The following MEGF9 variants were observed in gnomAD, a reference collection of about 807,000 sequenced individuals.
MEGF9 encodes multiple epidermal growth factor-like domains protein 9.
MEGF9 carries 6 observed loss-of-function variants against 46.8 expected under a neutral mutation model. The ratio of observed to expected loss-of-function variants is 0.13; its 90% CI spans 0.07 to 0.25. MEGF9 has a LOEUF of 0.25. MEGF9 is among the 10% of genes least tolerant of loss of function. The pLI is 1.00. For synonymous variants in MEGF9, 302 were observed against 330.7 expected (o/e 0.91, Z 0.94); for missense variants, 683 against 792.4 (o/e 0.86, Z 1.66).
Position 120,659,525 on chromosome 9 carries a change from T to G in MEGF9, c.652A>C (p.Asn218His). Residue 218 changes from asparagine (N) to histidine (H), a missense_variant, in exon 2 of 6, where the codon AAC becomes CAC. Asn to His is a moderately conservative substitution (Grantham distance 68). Coordinates refer to ENST00000373930, the MANE Select transcript of MEGF9 (RefSeq NM_001080497.3). ...CACTCACACTGCCCTGTGGTCTGGT[T>G]GCAGCGATTCACATTCAGGCTTCCA... ...VVGSLNVNRCNQTTGQCECRP... is the reference protein window; with the variant it reads ...VVGSLNVNRCHQTTGQCECRP... The G allele has an allele frequency of 1.2e-6, 2 of 1,613,670 alleles. No individual in the cohort carries two copies. The highest frequency in any genetic ancestry group is 2.2e-5 in the South Asian group (2 of 90,976).
At chr9:120,670,047 A>G (rs1322346445) in intron 1 of MEGF9, among the ~76,000 whole-genome samples, 2 of 152,238 alleles carry the variant, frequency 1.3e-5, no homozygotes, top group African/African-American at 4.8e-5. Flanking sequence ...TCTAGATTAT[A>G]GAAAAATATT....
At chr9:120,617,452 C>G (rs533712525) in intron 3 of MEGF9, among the ~76,000 whole-genome samples, 45 of 152,086 alleles carry the variant, frequency 3.0e-4, no homozygotes, top group Non-Finnish European at 5.9e-4. Context: ...ACCTGTCAAA[C>G]TGAAAGAAGG....
chr9:120,676,252 G>A (rs747135366), intron 1 of MEGF9, among the ~76,000 whole-genome samples: 1 of 152,044 alleles, frequency 6.6e-6, no homozygotes, highest in African/African-American at 2.4e-5. Flanking sequence ...TGGCAAAACC[G>A]GTTCCATCTC....
intron 1 of MEGF9, among the ~76,000 whole-genome samples, chr9:120,678,068 T>C (rs890500866): frequency 3.3e-5 from 5 of 152,230 alleles, no homozygotes; most frequent in Non-Finnish European, 2.9e-5. Context: ...TCACTTAACA[T>C]AATTACCTCT....
At chr9:120,622,417 C>T (rs72755756) in intron 3 of MEGF9, among the ~76,000 whole-genome samples, 199 bp downstream of exon 3, 6,062 of 101,230 alleles carry the variant, frequency 0.06, 226 homozygotes, top group South Asian at 0.12. Context: ...AGGTATATGA[C>T]TTTTTTTTTT....
At chr9:120,700,590 A>G (rs1460335709) in intron 1 of MEGF9, among the ~76,000 whole-genome samples, 1 of 152,180 alleles carries the variant, frequency 6.6e-6, no homozygotes, top group East Asian at 1.9e-4. Flanking sequence ...TCAAGACTCA[A>G]TAAACAAACA....
intron 1 of MEGF9, among the ~76,000 whole-genome samples, chr9:120,671,948 T>G (rs1309939969): frequency 1.3e-5 from 2 of 152,222 alleles, no homozygotes; most frequent in African/African-American, 4.8e-5. Context: ...AATACTGGTT[T>G]GACACTTGAA....
At chr9:120,689,551 T>C (rs1024134312) in intron 1 of MEGF9, among the ~76,000 whole-genome samples, 1 of 151,944 alleles carries the variant, frequency 6.6e-6, no homozygotes, top group Admixed American at 6.6e-5. Context: ...CTAAAAAAAA[T>C]CCAATTGAGA....
At chr9:120,635,115 T>C (rs1034770935) in intron 2 of MEGF9, among the ~76,000 whole-genome samples, 2 of 152,190 alleles carry the variant, frequency 1.3e-5, no homozygotes, top group African/African-American at 4.8e-5. Flanking sequence ...TTTTTTTTCC[T>C]TTTAGCAACT....
chr9:120,632,574 G>A (rs946243772), intron 2 of MEGF9, among the ~76,000 whole-genome samples: 1 of 151,984 alleles, frequency 6.6e-6, no homozygotes, highest in African/African-American at 2.4e-5. Flanking sequence ...TTCCAATTTG[G>A]ATGCCCTTTA....
rs1476977120 is a variant in MEGF9, at chr9:120,714,064, A to T, written c.295T>A (p.Ser99Thr). ...GCCCAAAGAGGGGTGGTCTCCGGGG[A>T]CTGGGCTGGAGAAGTCGCAGCCAGG... ...RPLAATSPAQ[S>T]PETTPLWATA... The change falls in exon 1 of 6, where the codon TCC (serine) becomes ACC (threonine). Residue 99 changes from serine to threonine, a missense_variant. By Grantham distance (58) the Ser-to-Thr change is moderately conservative. Around this residue, in one of 2 missense-constraint regions of MEGF9, gnomAD observed 370 missense variants for 371.3 expected, o/e 1.00. Coordinates refer to ENST00000373930, the MANE Select transcript of MEGF9 (RefSeq NM_001080497.3). 7.8e-7 allele frequency: 1 copy of T among 1,290,274 alleles called. No individual in the cohort carries two copies. The highest frequency in any genetic ancestry group is 9.8e-7 in the Non-Finnish European group (1 of 1,017,096). The allele number at this position is 1,290,274 out of a possible 1,614,324, so 79.9% of individuals were successfully genotyped here. A position where few individuals can be genotyped will look rare whatever the true frequency, so the allele number is the denominator to read the frequency against.
chr9:120,698,543 T>C (rs2043889168), intron 1 of MEGF9, among the ~76,000 whole-genome samples: 1 of 152,196 alleles, frequency 6.6e-6, no homozygotes, highest in African/African-American at 2.4e-5. Flanking sequence ...AATATGCAAG[T>C]CTTTCTGATT....
At chr9:120,697,658 C>T (rs1393288147) in intron 1 of MEGF9, among the ~76,000 whole-genome samples, 1 of 152,108 alleles carries the variant, frequency 6.6e-6, no homozygotes, top group Non-Finnish European at 1.5e-5. Context: ...TTACATTTGC[C>T]ATGCTTTTCT....
chr9:120,634,446 C>CATTTTTTT (rs2043564658), intron 2 of MEGF9, among the ~76,000 whole-genome samples: 1 of 46,908 alleles, frequency 2.1e-5, no homozygotes, highest in South Asian at 1.1e-3. Flanking sequence ...TGTGGAATAT[C>CATTTTTTT]TTTTTTTTTT....
chr9:120,628,689 G>C (rs1023884269), intron 2 of MEGF9, among the ~76,000 whole-genome samples: 12 of 151,972 alleles, frequency 7.9e-5, no homozygotes, highest in Non-Finnish European at 8.8e-5. Context: ...AATGGACAGT[G>C]AGCTTACCTG....
chr9:120,634,772 T>G (rs1393611164), intron 2 of MEGF9, among the ~76,000 whole-genome samples: 2 of 152,212 alleles, frequency 1.3e-5, no homozygotes, highest in Admixed American at 1.3e-4. Context: ...ATTTTGTTAA[T>G]TGTTTTCTGG....
At chr9:120,643,922 C>T (rs546260442) in intron 2 of MEGF9, among the ~76,000 whole-genome samples, 1 of 152,202 alleles carries the variant, frequency 6.6e-6, no homozygotes, top group South Asian at 2.1e-4. Context: ...CTTATGTTGC[C>T]CAGGCTAGTC....
At chr9:120,621,968 A>T (rs2043501496) in intron 3 of MEGF9, among the ~76,000 whole-genome samples, 1 of 152,104 alleles carries the variant, frequency 6.6e-6, no homozygotes, top group Non-Finnish European at 1.5e-5. Context: ...TGGTAATTTG[A>T]GCTTAGGTCC....
intron 1 of MEGF9, among the ~76,000 whole-genome samples, chr9:120,666,396 T>C (rs531178899): frequency 2.6e-5 from 4 of 152,308 alleles, no homozygotes; most frequent in African/African-American, 9.6e-5. Context: ...GCAAATATTA[T>C]AGGAACATCC....
Sources: gnomAD v4.1 joint callset for allele counts (sites outside exome capture counted in the v4.1 genomes callset) on GRCh38, gnomAD v4.1.1 for gene constraint, gnomAD v4.1.1 regional missense constraint, MANE v1.5 for transcripts, NCBI Gene and HGNC (gene_info 2026-07-23, HGNC 2026-07-21) for gene names.